STPG2: variants seen among roughly 807,000 people sequenced by gnomAD.
STPG2 encodes sperm tail PG-rich repeat containing 2.
A neutral mutation model predicts 54.2 loss-of-function variants in STPG2; 56 were observed. The ratio of observed to expected loss-of-function variants is 1.03; its 90% CI spans 0.83 to 1.29. The LOEUF is 1.29. Among genes scored for constraint, STPG2 ranks in the 50% most tolerant of loss-of-function variants. The pLI is 0.00. For synonymous variants in STPG2, 200 were observed against 181.8 expected, an observed-to-expected ratio of 1.10 and a Z score of -0.81; for missense variants, 596 against 544.9, an observed-to-expected ratio of 1.09 and a Z score of -0.93.
intron 4 of STPG2, among the ~76,000 whole-genome samples, chr4:97,491,756 ACT>A (rs1730508479): frequency 6.6e-6 from 1 of 151,484 alleles, no homozygotes; most frequent in Non-Finnish European, 1.5e-5. Flanking sequence ...AGCTTACAAT[ACT>A]CTCTGTATAA....
chr4:98,060,448 T>C (rs1466817938), intron 5 of STPG2, among the ~76,000 whole-genome samples: 2 of 152,108 alleles, frequency 1.3e-5, no homozygotes, highest in African/African-American at 4.8e-5. Flanking sequence ...CATCCCATGC[T>C]CACGGATATG....
At chr4:97,814,996 G>C (rs1444183639) in intron 9 of STPG2, among the ~76,000 whole-genome samples, 1 of 152,034 alleles carries the variant, frequency 6.6e-6, no homozygotes, top group African/African-American at 2.4e-5. Context: ...GTATTACTGT[G>C]CCTTGTTATT....
At position 98,130,579 on chromosome 4, in the gene STPG2, G is replaced by A. The variant is rs17558249; in HGVS notation, c.223-1987C>T. ...AAATTAAAATAAGAAACCATTGAACGGCTTTCCCTCCTTTCCATATATTTA... is the reference window on the plus strand; with the variant it reads ...AAATTAAAATAAGAAACCATTGAACAGCTTTCCCTCCTTTCCATATATTTA... On this transcript the variant is annotated intron_variant, in intron 2 of 10. Transcript: ENST00000295268. 4.6e-3 allele frequency among the ~76,000 whole-genome samples: 707 copies of A among 152,058 alleles called. 2 individuals are homozygous for A. The highest frequency in any genetic ancestry group is 7.7e-3 in the Non-Finnish European group (526 of 67,980).
intron 10 of STPG2, among the ~76,000 whole-genome samples, chr4:97,566,050 A>G (rs1732427326): frequency 2.6e-5 from 4 of 152,210 alleles, no homozygotes; most frequent in African/African-American, 7.2e-5. Context: ...TGGAGCCTAC[A>G]GAGACAGGCA....
intron 4 of STPG2, among the ~76,000 whole-genome samples, chr4:97,537,145 T>G (rs1465971321): frequency 6.6e-6 from 1 of 152,160 alleles, no homozygotes; most frequent in Non-Finnish European, 1.5e-5. Flanking sequence ...GATTTCTGTA[T>G]TTCCAACTGA....
chr4:97,650,255 C>CTGGT (rs1722027427), intron 10 of STPG2, among the ~76,000 whole-genome samples: 1 of 152,102 alleles, frequency 6.6e-6, no homozygotes, highest in East Asian at 1.9e-4. Flanking sequence ...CAGTACCAGT[C>CTGGT]CGTGGCCCAG....
intron 4 of STPG2, among the ~76,000 whole-genome samples, chr4:97,453,999 C>T (rs1433055399): frequency 6.6e-6 from 1 of 152,068 alleles, no homozygotes; most frequent in Admixed American, 6.5e-5. Context: ...TCCCTATACT[C>T]TTCCCCAAAG....
At position 98,087,801 on chromosome 4, in the gene STPG2, C is replaced by T. The variant is rs375217464; in HGVS notation, c.612+18152G>A. On this transcript the variant is annotated intron_variant, in intron 5 of 10. Coordinates refer to ENST00000295268, the MANE Select transcript of STPG2 (RefSeq NM_174952.3). Reference sequence around the variant, plus strand: ...GGTCTCAATCTCCTGACCTTGTGATCCGCCCGCCTCGGCCTCCCAAAGTGC... The same window carrying T: ...GGTCTCAATCTCCTGACCTTGTGATTCGCCCGCCTCGGCCTCCCAAAGTGC... Among the ~76,000 whole-genome samples, 19 of 152,186 alleles carry T rather than the reference C, an allele frequency of 1.2e-4. No homozygotes were observed. In the East Asian group the frequency reaches 3.7e-3, roughly 29 times the overall value.
chr4:97,781,585 G>T (rs1187369820), intron 9 of STPG2, among the ~76,000 whole-genome samples: 1 of 152,080 alleles, frequency 6.6e-6, no homozygotes, highest in Non-Finnish European at 1.5e-5. Context: ...CATTTTATGA[G>T]GCCATCATCA....
intron 9 of STPG2, among the ~76,000 whole-genome samples, chr4:97,786,000 G>T (rs1261585766): frequency 6.6e-6 from 1 of 151,932 alleles, no homozygotes; most frequent in African/African-American, 2.4e-5. Context: ...AAGAACACAG[G>T]TGTCTAATAT....
chr4:98,049,497 G>A (rs1046044910), intron 5 of STPG2, among the ~76,000 whole-genome samples: 3 of 152,150 alleles, frequency 2.0e-5, no homozygotes, highest in African/African-American at 7.2e-5. Context: ...AACATATTGA[G>A]CAGCAGTAAG....
intron 4 of STPG2, among the ~76,000 whole-genome samples, chr4:97,455,955 G>A (rs559802076): frequency 3.0e-4 from 45 of 152,254 alleles, no homozygotes; most frequent in Admixed American, 1.6e-3. Flanking sequence ...TGCACACCCC[G>A]CGAGGGGAAC....
At chr4:98,036,738 T>G (rs1221123535) in intron 5 of STPG2, among the ~76,000 whole-genome samples, 2 of 151,886 alleles carry the variant, frequency 1.3e-5, no homozygotes, top group Non-Finnish European at 2.9e-5. Context: ...TAAAATAGTT[T>G]GTACAACAAA....
intron 9 of STPG2, among the ~76,000 whole-genome samples, chr4:97,799,468 T>G (rs1183339810): frequency 6.6e-6 from 1 of 152,162 alleles, no homozygotes; most frequent in Non-Finnish European, 1.5e-5. Context: ...ATATGAAATT[T>G]TGGGTTGAAA....
downstream of STPG2, among the ~76,000 whole-genome samples, chr4:97,555,999 T>A (rs1462486027): frequency 6.6e-6 from 1 of 152,140 alleles, no homozygotes; most frequent in Non-Finnish European, 1.5e-5. Flanking sequence ...ATCATTTACC[T>A]GAGCATTAGA....
chr4:97,696,148 T>C (rs553621721), intron 10 of STPG2, among the ~76,000 whole-genome samples: 23 of 152,242 alleles, frequency 1.5e-4, no homozygotes, highest in South Asian at 1.2e-3. Flanking sequence ...AAACAGCATA[T>C]TACTGGCATA....
intron 8 of STPG2, among the ~76,000 whole-genome samples, chr4:97,864,368 G>C (rs188448076): frequency 2.2e-4 from 33 of 152,166 alleles, no homozygotes; most frequent in African/African-American, 7.0e-4. Flanking sequence ...AAATACCTAG[G>C]AATCCAACTT....
chr4:97,926,326 A>G (rs527661498), intron 8 of STPG2, among the ~76,000 whole-genome samples: 1 of 152,234 alleles, frequency 6.6e-6, no homozygotes, highest in South Asian at 2.1e-4. Flanking sequence ...CAGACCTCAA[A>G]TTCAGATCTC....
intron 10 of STPG2, among the ~76,000 whole-genome samples, chr4:97,648,680 A>G (rs1478811364): frequency 6.6e-6 from 1 of 152,062 alleles, no homozygotes; most frequent in African/African-American, 2.4e-5. Flanking sequence ...AGACAATGGG[A>G]CTCATTTTCT....
Sources: allele counts gnomAD v4.1 joint callset (sites outside exome capture counted in the v4.1 genomes callset), GRCh38; gene constraint gnomAD v4.1.1; transcripts MANE v1.5; gene names NCBI Gene and HGNC (gene_info 2026-07-23, HGNC 2026-07-21).